EIF4G3: variants seen among roughly 807,000 people sequenced by gnomAD.
The protein encoded by EIF4G3 is eukaryotic translation initiation factor 4 gamma 3, also known as eIF-4-gamma 3.
EIF4G3 carries 34 observed loss-of-function variants against 186.4 expected under a neutral mutation model. The ratio of observed to expected loss-of-function variants is 0.18; its 90% confidence interval spans 0.14 to 0.24. EIF4G3 has a LOEUF of 0.24. Among genes scored for constraint, EIF4G3 ranks in the 10% least tolerant of loss-of-function variants. The pLI is 1.00. For missense variants in EIF4G3, 1,536 were observed against 1,948.5 expected, an observed-to-expected ratio of 0.79 and a Z score of 3.99; for synonymous variants, 673 against 679.5, an observed-to-expected ratio of 0.99 and a Z score of 0.15.
intron 14 of EIF4G3, among the ~76,000 whole-genome samples, chr1:20,924,533 A>G (rs999128814): frequency 6.6e-6 from 1 of 152,214 alleles, no homozygotes; most frequent in African/African-American, 2.4e-5. Context: ...TGTTTCACAT[A>G]TATCAGATAA....
In EIF4G3 at chr1:20,892,603, A is replaced by G. The variant is rs1241131391; in HGVS notation, c.2253+914T>C. The G allele has an allele frequency of 3.4e-6, 5 of 1,482,788 alleles. No homozygotes were observed. The African/African-American group carries it at 4.2e-5, about 12-fold the overall frequency. 91.9% of individuals were successfully genotyped at this position (1,482,788 alleles called of 1,614,324 possible). ...ACCAGAGACTATTATTACAAAAAAC[A>G]AAGTGTTCAGCGCACCCCTAGAGGC... On this transcript the variant is annotated intron_variant, in intron 18 of 36. Coordinates refer to ENST00000602326, the MANE Select transcript of EIF4G3 (RefSeq NM_001391906.1).
chr1:20,882,630 CA>C (rs71014128), intron 19 of EIF4G3, among the ~76,000 whole-genome samples: 1 of 146,866 alleles, frequency 6.8e-6, no homozygotes, highest in African/African-American at 2.5e-5. Flanking sequence ...CAAAAAAAAA[CA>C]AAAAAAAACA....
chr1:21,134,218 C>T (rs1317085019), intron 2 of EIF4G3, among the ~76,000 whole-genome samples: 1 of 152,074 alleles, frequency 6.6e-6, no homozygotes, highest in Non-Finnish European at 1.5e-5. Context: ...TAATAACTCT[C>T]CAGAAATACA....
At chr1:20,949,683 C>T (rs1046105027) in intron 13 of EIF4G3, among the ~76,000 whole-genome samples, 6 of 152,056 alleles carry the variant, frequency 3.9e-5, no homozygotes, top group African/African-American at 1.4e-4. Context: ...CTGTATTGTT[C>T]TTGTAAAGTA....
At chr1:21,096,508 C>A (rs186182503) in intron 2 of EIF4G3, among the ~76,000 whole-genome samples, 7 of 152,198 alleles carry the variant, frequency 4.6e-5, no homozygotes, top group Admixed American at 4.6e-4. Context: ...TTACACTTGT[C>A]CCCCATAAAT....
chr1:21,041,415 C>T (rs2093573935), intron 4 of EIF4G3, among the ~76,000 whole-genome samples: 1 of 152,010 alleles, frequency 6.6e-6, no homozygotes, highest in African/African-American at 2.4e-5. Context: ...AATCATTCAG[C>T]CAGTATAACA....
At chr1:20,908,743 C>T (rs2092696734) in intron 14 of EIF4G3, among the ~76,000 whole-genome samples, 1 of 152,130 alleles carries the variant, frequency 6.6e-6, no homozygotes, top group African/African-American at 2.4e-5. Flanking sequence ...AAGAGATAAA[C>T]ACTGGACTTG....
intron 13 of EIF4G3, among the ~76,000 whole-genome samples, chr1:20,946,604 T>C (rs2095960788): frequency 6.6e-6 from 1 of 152,176 alleles, no homozygotes; most frequent in Non-Finnish European, 1.5e-5. Flanking sequence ...TAAGCACTTA[T>C]TATGTGCCAG....
chr1:20,871,153 C>A (rs1489890203), intron 20 of EIF4G3, among the ~76,000 whole-genome samples: 2 of 152,162 alleles, frequency 1.3e-5, no homozygotes, highest in African/African-American at 4.8e-5. Flanking sequence ...TGCAAAGTTA[C>A]AAAAGAGGTT....
At chr1:20,972,576 G>A (rs148000664) in intron 11 of EIF4G3, among the ~76,000 whole-genome samples, 1,818 of 152,070 alleles carry the variant, frequency 0.012, 26 homozygotes, top group African/African-American at 0.035. Context: ...AGAGGGTGCA[G>A]TTCAGCTGAG....
Position 20,807,476 on chromosome 1 carries a change from C to T in EIF4G3, c.4769G>A (p.Cys1590Tyr). ...PANLLRMFFD[C>Y]LYDEEVISED... ...GGAGATCACCTCCTCGTCATATAGA[C>T]AATCAAAAAACATCCGCAGCAAATC... is the stretch of plus-strand genomic sequence containing the variant. The change falls in exon 37 of 37, where the codon TGT (cysteine) becomes TAT (tyrosine). Residue 1590 changes from cysteine to tyrosine, a missense_variant. By Grantham distance (194) the Cys-to-Tyr change is radical. Coordinates refer to ENST00000602326, the MANE Select transcript of EIF4G3 (RefSeq NM_001391906.1). 6.3e-7 allele frequency: 1 copy of T among 1,595,434 alleles called. No individual in the cohort carries two copies. Among genetic ancestry groups the T allele is most frequent in the Non-Finnish European group, 8.6e-7 (1 of 1,168,120 alleles).
chr1:21,039,525 T>C (rs2093435779), intron 4 of EIF4G3, among the ~76,000 whole-genome samples: 1 of 152,146 alleles, frequency 6.6e-6, no homozygotes, highest in African/African-American at 2.4e-5. Flanking sequence ...GAGCGAGGCA[T>C]GGTGGCACAT....
chr1:21,068,337 T>C (rs1439043064), intron 3 of EIF4G3, among the ~76,000 whole-genome samples: 2 of 132,300 alleles, frequency 1.5e-5, no homozygotes, highest in African/African-American at 2.8e-5. Context: ...CCACTGCACC[T>C]GCACTCCAGT....
At chr1:20,809,216 G>C (rs985581379) in intron 36 of EIF4G3, among the ~76,000 whole-genome samples, 2 of 152,066 alleles carry the variant, frequency 1.3e-5, no homozygotes, top group Non-Finnish European at 2.9e-5. Context: ...CGGGTGATCT[G>C]CATGCCTCGG....
intron 2 of EIF4G3, among the ~76,000 whole-genome samples, chr1:21,096,787 C>T (rs1244045750): frequency 6.6e-6 from 1 of 152,150 alleles, no homozygotes; most frequent in South Asian, 2.1e-4. Context: ...ATACTACTGG[C>T]TGAAAGTTTT....
At chr1:21,139,397 G>A (rs988750547) in intron 2 of EIF4G3, among the ~76,000 whole-genome samples, 1 of 152,064 alleles carries the variant, frequency 6.6e-6, no homozygotes, top group Non-Finnish European at 1.5e-5. Flanking sequence ...TGAGGCAGCA[G>A]TAAGCTACAA....
chr1:20,972,280 TTC>T (rs1328802213), intron 11 of EIF4G3, among the ~76,000 whole-genome samples: 1 of 152,232 alleles, frequency 6.6e-6, no homozygotes, highest in Non-Finnish European at 1.5e-5. Context: ...AATATCTCAG[TTC>T]TTTTTCCTTG....
chr1:20,953,769 C>T (rs2096305102), intron 12 of EIF4G3, among the ~76,000 whole-genome samples: 1 of 152,066 alleles, frequency 6.6e-6, no homozygotes, highest in African/African-American at 2.4e-5. Context: ...TTTGTACTGC[C>T]CACAAGGTAA....
intron 4 of EIF4G3, among the ~76,000 whole-genome samples, chr1:21,018,937 A>C (rs1453626112): frequency 3.4e-5 from 5 of 146,072 alleles, no homozygotes; most frequent in Admixed American, 3.4e-4. Context: ...TTTTTTTTTT[A>C]CCCCCAAATA....
Sources: allele counts gnomAD v4.1 joint callset (sites outside exome capture counted in the v4.1 genomes callset), GRCh38; gene constraint gnomAD v4.1.1; transcripts MANE v1.5; gene names NCBI Gene and HGNC (gene_info 2026-07-23, HGNC 2026-07-21).